PTPRT: variants seen among roughly 807,000 people sequenced by gnomAD.
PTPRT encodes protein tyrosine phosphatase receptor type T.
A neutral mutation model predicts 176.8 loss-of-function variants in PTPRT; 56 were observed. The observed-to-expected ratio is 0.32, with a 90% CI of 0.26 to 0.40. The LOEUF is 0.40. Ranked by LOEUF, PTPRT falls within the 10% of genes least tolerant of loss-of-function variation. The pLI is 1.00. For synonymous variants in PTPRT, 783 were observed against 739.0 expected, an observed-to-expected ratio of 1.06 and a Z score of -0.96; for missense variants, 1,540 against 1,908.2, an observed-to-expected ratio of 0.81 and a Z score of 3.60.
At chr20:42,744,523 T>G (rs1315875724) in intron 6 of PTPRT, among the ~76,000 whole-genome samples, 1 of 152,242 alleles carries the variant, frequency 6.6e-6, no homozygotes, top group Non-Finnish European at 1.5e-5. Flanking sequence ...AAGTTTTCAT[T>G]CAAGACATTA....
At chr20:42,980,954 G>A (rs138267706) in intron 1 of PTPRT, among the ~76,000 whole-genome samples, 1 of 152,134 alleles carries the variant, frequency 6.6e-6, no homozygotes, top group Non-Finnish European at 1.5e-5. Context: ...GGAAGAGTGG[G>A]AGCCCAACTT....
At chr20:42,759,258 T>C (rs2076880895) in intron 5 of PTPRT, among the ~76,000 whole-genome samples, 1 of 152,390 alleles carries the variant, frequency 6.6e-6, no homozygotes, top group South Asian at 2.1e-4. Flanking sequence ...TTTTATTTTT[T>C]CTTTATTAAG....
At chr20:43,131,574 C>T (rs2013649113) in intron 1 of PTPRT, among the ~76,000 whole-genome samples, 1 of 152,042 alleles carries the variant, frequency 6.6e-6, no homozygotes, top group Non-Finnish European at 1.5e-5. Flanking sequence ...TTTAAGTATC[C>T]TCTGTCTTGT....
the PTPRT span, among the ~76,000 whole-genome samples, chr20:42,046,497 C>T: frequency 6.6e-6 from 1 of 152,214 alleles, no homozygotes; most frequent in Non-Finnish European, 1.5e-5. Context: ...CAGCTTCTGA[C>T]ATTAACCCCA....
At chr20:42,227,600 G>GTTTTTTTT (rs10854224) in intron 15 of PTPRT, among the ~76,000 whole-genome samples, 1 of 61,868 alleles carries the variant, frequency 1.6e-5, no homozygotes, top group Non-Finnish European at 2.8e-5. Flanking sequence ...GTCCCTCATT[G>GTTTTTTTT]TTTTTTTTTT....
chr20:43,034,115 G>T (rs894711278), intron 1 of PTPRT, among the ~76,000 whole-genome samples: 1 of 152,220 alleles, frequency 6.6e-6, no homozygotes, highest in African/African-American at 2.4e-5. Context: ...CTGACTGTGT[G>T]TTCCATTCTA....
At chr20:42,537,991 T>C (rs934681820) in intron 7 of PTPRT, among the ~76,000 whole-genome samples, 1 of 152,184 alleles carries the variant, frequency 6.6e-6, no homozygotes, top group African/African-American at 2.4e-5. Context: ...AGTTATTGAG[T>C]ATTAACTATG....
chr20:42,437,361 G>T (rs2059271286), intron 9 of PTPRT, among the ~76,000 whole-genome samples: 1 of 152,204 alleles, frequency 6.6e-6, no homozygotes, highest in African/African-American at 2.4e-5. Flanking sequence ...TGAGGCCCAG[G>T]TTGGGAAAGA....
At chr20:42,256,793 C>A (rs1383704839) in intron 13 of PTPRT, among the ~76,000 whole-genome samples, 2 of 152,096 alleles carry the variant, frequency 1.3e-5, no homozygotes, top group Non-Finnish European at 2.9e-5. Context: ...GAAGCCACTA[C>A]CCAGCCCAGA....
chr20:42,274,443 C>A (rs1196926944), intron 13 of PTPRT, among the ~76,000 whole-genome samples: 1 of 152,042 alleles, frequency 6.6e-6, no homozygotes, highest in East Asian at 1.9e-4. Flanking sequence ...AGGTAGAGGT[C>A]TCTTGCTTTC....
At chr20:42,468,151 A>G (rs2071131634) in intron 8 of PTPRT, among the ~76,000 whole-genome samples, 1 of 152,258 alleles carries the variant, frequency 6.6e-6, no homozygotes, top group Non-Finnish European at 1.5e-5. Flanking sequence ...CGTCAAATGC[A>G]CTGAGGTGCT....
intron 6 of PTPRT, among the ~76,000 whole-genome samples, chr20:42,691,296 A>T (rs1313047186): frequency 1.2e-4 from 18 of 152,244 alleles, no homozygotes. Flanking sequence ...ATTCAGGGCA[A>T]CCTGAGTCCA....
intron 7 of PTPRT, among the ~76,000 whole-genome samples, chr20:42,609,565 A>G (rs1600464955): frequency 6.6e-6 from 1 of 152,148 alleles, no homozygotes; most frequent in East Asian, 1.9e-4. Context: ...TCCAAATCCA[A>G]CACTGACTCT....
chr20:42,648,587 C>T (rs905552037), intron 7 of PTPRT, among the ~76,000 whole-genome samples: 1 of 152,098 alleles, frequency 6.6e-6, no homozygotes, highest in African/African-American at 2.4e-5. Context: ...GCTACAGCTG[C>T]AATTCCATGC....
chr20:42,320,883 C>T (rs150360541), intron 11 of PTPRT, among the ~76,000 whole-genome samples: 17 of 152,252 alleles, frequency 1.1e-4, no homozygotes, highest in East Asian at 1.9e-4. Context: ...TCAGACAAGG[C>T]GGCTCTGGCA....
intron 9 of PTPRT, among the ~76,000 whole-genome samples, chr20:42,403,548 T>G (rs2058931535): frequency 6.6e-6 from 1 of 152,190 alleles, no homozygotes; most frequent in Admixed American, 6.5e-5. Flanking sequence ...ACCTCATGGT[T>G]ACATTTCAAT....
At chr20:42,032,356 G>C in the PTPRT span, among the ~76,000 whole-genome samples, 28,387 of 152,044 alleles carry the variant, frequency 0.19, 5,082 homozygotes, top group African/African-American at 0.47. Context: ...AAGAGACAGA[G>C]AGAGCTCTTG....
chr20:43,051,295 G>A (rs1987031875), intron 1 of PTPRT, among the ~76,000 whole-genome samples: 1 of 152,110 alleles, frequency 6.6e-6, no homozygotes, highest in African/African-American at 2.4e-5. Context: ...CTAAAGCCTG[G>A]TAAGTAAGTT....
chr20:42,761,172 C>T (rs965176747), intron 5 of PTPRT, among the ~76,000 whole-genome samples: 4 of 152,132 alleles, frequency 2.6e-5, no homozygotes, highest in Non-Finnish European at 5.9e-5. Context: ...CGGTGGCTGA[C>T]GCCTGTAATC....
Sources: allele counts gnomAD v4.1 joint callset (sites outside exome capture counted in the v4.1 genomes callset), GRCh38; gene constraint gnomAD v4.1.1; transcripts MANE v1.5; gene names NCBI Gene and HGNC (gene_info 2026-07-23, HGNC 2026-07-21).